The following HCN2 variants were observed in gnomAD, a reference collection of about 807,000 sequenced individuals.
HCN2 encodes the protein potassium/sodium hyperpolarization-activated cyclic nucleotide-gated channel 2.
HCN2 carries 20 observed loss-of-function variants against 52.3 expected under a neutral mutation model. That is an observed-to-expected ratio of 0.38 (90% CI 0.27 to 0.56). The LOEUF is 0.56. Among genes scored for constraint, HCN2 ranks in the 20% least tolerant of loss-of-function variants. The probability of loss-of-function intolerance (pLI) is 0.71; values close to 1 mark genes in which losing one functional copy is unlikely to be tolerated. For missense variants in HCN2, 981 were observed against 1,207.7 expected (o/e 0.81, Z 2.78); for synonymous variants, 694 against 537.0 (o/e 1.29, Z -4.04).
chr19:610,785 C>CCCT (rs1983598863), intron 5 of HCN2, among the ~76,000 whole-genome samples: 1 of 152,148 alleles, frequency 6.6e-6, no homozygotes, highest in Non-Finnish European at 1.5e-5. Context: ...GCCTGAGTGA[C>CCCT]CCTGGGCAAG....
rs1030875375 is a variant in HCN2 at position 608,158 on chromosome 19, C to T, written c.1413C>T (p.Ser471=). Residue 471 remains serine, a synonymous_variant, in exon 4 of 8, where the codon TCC becomes TCT. Coordinates refer to ENST00000251287, the MANE Select transcript of HCN2 (RefSeq NM_001194.4). Reference sequence around the variant, plus strand: ...CTGCCCTCATCCAGTCGCTGGACTCCTCGCGGCGCCAGTACCAGGAGAAGG... The same window carrying T: ...CTGCCCTCATCCAGTCGCTGGACTCTTCGCGGCGCCAGTACCAGGAGAAGG... ...HATALIQSLD[S]SRRQYQEKYK... The T allele has an allele frequency of 2.5e-6, 4 of 1,612,988 alleles. No individual in the cohort carries two copies. Among genetic ancestry groups the T allele is most frequent in the Non-Finnish European group, 3.4e-6 (4 of 1,179,984 alleles).
At chr19:595,412 T>C (rs1031870682) in intron 1 of HCN2, among the ~76,000 whole-genome samples, 2 of 151,986 alleles carry the variant, frequency 1.3e-5, no homozygotes, top group African/African-American at 4.8e-5. Context: ...GGTCCTTCTT[T>C]CCCTGTCACC....
chr19:612,398 GT>G (rs1983676954), intron 5 of HCN2, among the ~76,000 whole-genome samples: 5 of 44,880 alleles, frequency 1.1e-4, no homozygotes, highest in African/African-American at 2.6e-4. Context: ...CCACTGGTGT[GT>G]GTGTGTGTGT....
intron 1 of HCN2, among the ~76,000 whole-genome samples, chr19:596,627 C>G (rs1208384804): frequency 1.3e-5 from 2 of 152,312 alleles, no homozygotes; most frequent in East Asian, 3.9e-4. Flanking sequence ...GGGGGCCTGT[C>G]CCTGCTCAGC....
At chr19:603,500 C>T (rs781771562) in intron 1 of HCN2, 44 bp from the exon 2 acceptor site, 7 of 1,505,144 alleles carry the variant, frequency 4.7e-6, no homozygotes, top group East Asian at 2.3e-5. Context: ...CCGCAGGTGC[C>T]CCGGGGAGGC....
At chr19:610,057 C>T (rs1390218908) in intron 4 of HCN2, among the ~76,000 whole-genome samples, 2 of 150,162 alleles carry the variant, frequency 1.3e-5, no homozygotes, top group African/African-American at 4.9e-5. Flanking sequence ...CCCTGACCCC[C>T]CACAGTACAA....
At chr19:600,508 T>A (rs1308238315) in intron 1 of HCN2, among the ~76,000 whole-genome samples, 1 of 146,696 alleles carries the variant, frequency 6.8e-6, no homozygotes, top group Non-Finnish European at 1.5e-5. Flanking sequence ...GCCCAGCCAA[T>A]TTTTTTTTTT....
intron 1 of HCN2, among the ~76,000 whole-genome samples, chr19:599,847 C>CGCGTGTGTGTGT (rs1983148002): frequency 7.5e-6 from 1 of 133,302 alleles, no homozygotes; most frequent in Non-Finnish European, 1.6e-5. Context: ...GAAGGGGTCC[C>CGCGTGTGTGTGT]GTGTGTGTGT....
At chr19:612,384 C>T (rs908565852) in intron 5 of HCN2, among the ~76,000 whole-genome samples, 48 of 117,236 alleles carry the variant, frequency 4.1e-4, no homozygotes, top group Non-Finnish European at 5.2e-4. Context: ...CCGAATGTAG[C>T]TTTCCACTGG....
chr19:595,958 C>G (rs1000945755), intron 1 of HCN2, among the ~76,000 whole-genome samples: 1 of 152,166 alleles, frequency 6.6e-6, no homozygotes, highest in Non-Finnish European at 1.5e-5. Flanking sequence ...TGCCCTCGCC[C>G]GTTCCCCAAC....
At chr19:601,893 T>G (rs1382025830) in intron 1 of HCN2, among the ~76,000 whole-genome samples, 4 of 151,868 alleles carry the variant, frequency 2.6e-5, no homozygotes, top group Non-Finnish European at 2.9e-5. Context: ...AGTTTTGGGA[T>G]CCACCTTGGG....
In HCN2 at chr19:616,939, G is replaced by A; in HGVS notation, c.*465G>A. The stretch of plus-strand genomic sequence containing the variant: ...AATAACCGGCCCGGCCCCCGTCCGC[G>A]CGCGTCCCCCGGTGACCTCGGGGAG... On this transcript the variant is annotated 3_prime_UTR_variant, in exon 8 of 8. Transcript: ENST00000251287. 1 of 379,104 alleles carries A rather than the reference G, an allele frequency of 2.6e-6. No individual in the cohort carries two copies. The allele number at this position is 379,104 out of a possible 1,614,324, so 23.5% of individuals were successfully genotyped here.
intron 3 of HCN2, among the ~76,000 whole-genome samples, chr19:605,760 C>T (rs1367045842): frequency 1.5e-5 from 2 of 130,282 alleles, no homozygotes; most frequent in Non-Finnish European, 3.3e-5. Context: ...GGGACCCAGG[C>T]GCCCCCTTAT....
chr19:610,227 G>A, intron 4 of HCN2, 32 bp from the exon 5 acceptor site: 2 of 1,605,562 alleles, frequency 1.2e-6, no homozygotes, highest in African/African-American at 1.4e-5. Flanking sequence ...GCCGGGGGCG[G>A]TGTCTGACCC....
At position 615,852 on chromosome 19, in the gene HCN2, TCAA is replaced by T. The variant is rs763550927; in HGVS notation, c.2053_2055del (p.Asn685del). On this transcript the variant is annotated inframe_deletion, in exon 8 of 8. Coordinates refer to ENST00000251287, the MANE Select transcript of HCN2 (RefSeq NM_001194.4). ...CAGCATGACCTCAACTCGGGCGTAT[TCAA>T]CAACCAGGAGAACGCCATCATCCAG... 21 of 1,613,068 alleles carry T rather than the reference TCAA, an allele frequency of 1.3e-5. No individual in the cohort carries two copies. Among genetic ancestry groups the T allele is most frequent in the Non-Finnish European group, 1.6e-5 (19 of 1,179,886 alleles).
At chr19:612,994 C>CTTG (rs1448696011) in intron 5 of HCN2, among the ~76,000 whole-genome samples, 2 of 152,210 alleles carry the variant, frequency 1.3e-5, no homozygotes, top group Non-Finnish European at 2.9e-5. Context: ...TTCCACCGCT[C>CTTG]TTGTCTACAG....
chr19:610,453 G>A (rs371199987), intron 5 of HCN2, 48 bp downstream of exon 5: 31 of 1,562,718 alleles, frequency 2.0e-5, no homozygotes, highest in South Asian at 1.0e-4. Flanking sequence ...GTACAGGGCC[G>A]GCCTCCCTCT....
rs1983946856 is a variant in HCN2 at position 616,633 on chromosome 19, A to C, written c.*159A>C. ...GACGGACGGGCAGGGCCGGCGGGGC[A>C]GCCCCCTCCGCGCCCCCGGCCGTCC... On this transcript the variant is annotated 3_prime_UTR_variant, in exon 8 of 8. Transcript: ENST00000251287. 1 of 330,410 alleles carries C rather than the reference A, an allele frequency of 3.0e-6. No individual in the cohort carries two copies. Among genetic ancestry groups the C allele is most frequent in the African/African-American group, 2.3e-5 (1 of 44,256 alleles). 20.5% of individuals were successfully genotyped at this position (330,410 alleles called of 1,614,324 possible).
At chr19:600,345 GTAT>G (rs1436371935) in intron 1 of HCN2, among the ~76,000 whole-genome samples, 1 of 151,556 alleles carries the variant, frequency 6.6e-6, no homozygotes, top group Non-Finnish European at 1.5e-5. Context: ...GCTAATTTTT[GTAT>G]TATTATTTTT....
Sources: allele counts gnomAD v4.1 joint callset (sites outside exome capture counted in the v4.1 genomes callset), GRCh38; gene constraint gnomAD v4.1.1; transcripts MANE v1.5; gene names NCBI Gene and HGNC (gene_info 2026-07-23, HGNC 2026-07-21).